The following MPP4 variants were observed in gnomAD, a reference collection of about 807,000 sequenced individuals.
The protein encoded by MPP4 is MAGUK p55 scaffold protein 4, also known as MAGUK p55 subfamily member 4.
A neutral mutation model predicts 98.3 loss-of-function variants in MPP4; 91 were observed. The observed-to-expected ratio is 0.93, with a 90% CI of 0.78 to 1.10. The LOEUF is 1.10. MPP4 is among the 50% of genes least tolerant of loss of function. The pLI, the probability that MPP4 is intolerant of heterozygous loss-of-function variation, is 0.00. For missense variants in MPP4, 744 were observed against 792.9 expected (o/e 0.94, Z 0.74); for synonymous variants, 261 against 271.8 (o/e 0.96, Z 0.39).
intron 15 of MPP4, 86 bp downstream of exon 15, chr2:201,660,246 T>G (rs1687986782): frequency 8.2e-7 from 1 of 1,226,154 alleles, no homozygotes; most frequent in South Asian, 1.3e-5. Context: ...ATCTTAAACA[T>G]TATCCAGTCA....
At chr2:201,693,564 T>C (rs1361085468) in intron 2 of MPP4, among the ~76,000 whole-genome samples, 2 of 152,210 alleles carry the variant, frequency 1.3e-5, no homozygotes, top group African/African-American at 4.8e-5. Flanking sequence ...GAATATTCTA[T>C]TTTTTGACAG....
intron 15 of MPP4, among the ~76,000 whole-genome samples, chr2:201,659,288 G>A (rs1687954800): frequency 6.6e-6 from 1 of 151,940 alleles, no homozygotes; most frequent in South Asian, 2.1e-4. Flanking sequence ...CTCTTAAAAG[G>A]GTTCATTCTA....
intron 18 of MPP4, among the ~76,000 whole-genome samples, chr2:201,653,489 T>C (rs1687775344): frequency 6.6e-6 from 1 of 152,198 alleles, no homozygotes; most frequent in African/African-American, 2.4e-5. Flanking sequence ...AAGCCTTTTA[T>C]ACCCTCGAGG....
rs1688965548 is a variant in MPP4 at position 201,690,119 on chromosome 2, CCTT to C, written c.279+80_279+82del. On this transcript the variant is annotated intron_variant, in intron 4 of 21. Transcript: ENST00000409474. ...TCATCAATAAAACTTTTCCTTAGAACCTTTAATTCATTTGAACTAGCAATGTGG... is the reference window on the plus strand; with the variant it reads ...TCATCAATAAAACTTTTCCTTAGAACTAATTCATTTGAACTAGCAATGTGG... 13 of 865,594 alleles carry C rather than the reference CCTT, an allele frequency of 1.5e-5. 1 individual carries two copies. The South Asian group carries it at 2.5e-4, about 17-fold the overall frequency. The allele number at this position is 865,594 out of a possible 1,614,324, so 53.6% of individuals were successfully genotyped here.
chr2:201,647,937 C>T (rs760850392), intron 20 of MPP4, 112 bp from the exon 21 acceptor site: 14 of 1,047,614 alleles, frequency 1.3e-5, no homozygotes, highest in Non-Finnish European at 1.9e-5. Flanking sequence ...TTCACTGTAG[C>T]CTCAGCTTCC....
At chr2:201,694,213 C>G (rs1281565619) in intron 1 of MPP4, among the ~76,000 whole-genome samples, 159 bp from the exon 2 acceptor site, 4 of 152,198 alleles carry the variant, frequency 2.6e-5, no homozygotes, top group African/African-American at 9.7e-5. Context: ...AATGCTCCCC[C>G]TAACTCCATG....
intron 11 of MPP4, among the ~76,000 whole-genome samples, chr2:201,670,303 G>C (rs537101026): frequency 5.3e-5 from 8 of 152,240 alleles, no homozygotes; most frequent in Non-Finnish European, 1.0e-4. Context: ...GGTATGATAA[G>C]ACTTAAGCAG....
rs1311926082 is a variant in MPP4 at position 201,656,336 on chromosome 2, T to G, written c.1162A>C (p.Arg388=). ...GFRRSMRLCR[R]KSHLSPLHAS... ...TGCAGCGGGCTGAGGTGAGACTTCC[T>G]GCGACAAAGGCGCATGCTGCGGCGG... is the stretch of plus-strand genomic sequence containing the variant. Residue 388 remains arginine, a synonymous_variant, in exon 17 of 22, where the codon AGG becomes CGG. Coordinates refer to ENST00000409474, the MANE Select transcript of MPP4 (RefSeq NM_033066.3). The G allele has an allele frequency of 6.4e-7, 1 of 1,555,460 alleles. No homozygotes were observed.
intron 8 of MPP4, 55 bp from the exon 9 acceptor site, chr2:201,681,622 G>T: frequency 7.3e-7 from 1 of 1,368,632 alleles, no homozygotes; most frequent in Non-Finnish European, 1.0e-6. Flanking sequence ...AGGGTTACTG[G>T]GGCTCGGTGG....
At chr2:201,680,520 T>C (rs4675219) in intron 10 of MPP4, 85,568 of 231,110 alleles carry the variant, frequency 0.37, 17,393 homozygotes, top group Admixed American at 0.47. Flanking sequence ...CTCTTAATAC[T>C]ATTGCATTGG....
At chr2:201,661,167 T>A (rs1688014707) in intron 14 of MPP4, among the ~76,000 whole-genome samples, 1 of 151,484 alleles carries the variant, frequency 6.6e-6, no homozygotes, top group African/African-American at 2.4e-5. Context: ...GTGATCTGCC[T>A]GCCTCGGCCT....
intron 10 of MPP4, among the ~76,000 whole-genome samples, chr2:201,678,378 A>G (rs1688574706): frequency 6.6e-6 from 1 of 152,072 alleles, no homozygotes; most frequent in Admixed American, 6.5e-5. Context: ...GCCCTCTGGA[A>G]CCCACAGCAA....
chr2:201,690,669 A>G (rs765054356), intron 3 of MPP4, among the ~76,000 whole-genome samples: 6 of 152,194 alleles, frequency 3.9e-5, no homozygotes, highest in Non-Finnish European at 8.8e-5. Flanking sequence ...GACACCTGTG[A>G]GGACCCCTGT....
intron 14 of MPP4, among the ~76,000 whole-genome samples, chr2:201,660,667 A>G (rs1469498723): frequency 1.3e-5 from 2 of 152,110 alleles, no homozygotes; most frequent in Non-Finnish European, 2.9e-5. Flanking sequence ...GTTAAAGGAA[A>G]GCAACAGGTT....
At chr2:201,697,712 A>G (rs1215275686) in intron 1 of MPP4, among the ~76,000 whole-genome samples, 1 of 152,186 alleles carries the variant, frequency 6.6e-6, no homozygotes, top group Non-Finnish European at 1.5e-5. Context: ...CTGGCCTGGT[A>G]TCCTGACTTA....
chr2:201,682,709 G>C lies in MPP4; in HGVS notation c.660+122C>G, dbSNP rs943526976. The C allele has an allele frequency of 4.0e-6, 3 of 758,736 alleles. No homozygotes were observed. In the African/African-American group the frequency reaches 5.3e-5, roughly 13 times the overall value. 47.0% of individuals were successfully genotyped at this position (758,736 alleles called of 1,614,324 possible). On this transcript the variant is annotated intron_variant, in intron 8 of 21. Transcript: ENST00000409474. ...GACAAGGTCTGGGAGCCTGGAGGGA[G>C]AAAGCTGCCAAGAGAACTTGAGTCC... is the stretch of plus-strand genomic sequence containing the variant.
chr2:201,685,071 C>G lies in MPP4; in HGVS notation c.567G>C (p.Glu189Asp). The change falls in exon 7 of 22, where the codon GAG (glutamate) becomes GAC (aspartate). Residue 189 changes from glutamate (E) to aspartate (D), a missense_variant. Glu to Asp is a conservative substitution (Grantham distance 45, BLOSUM62 2). Coordinates refer to ENST00000409474, the MANE Select transcript of MPP4 (RefSeq NM_033066.3). ...VARIIHGGLA[E>D]RSGLLYAGDK... is the part of the protein sequence containing the mutation. The stretch of plus-strand genomic sequence containing the variant: ...CCAGCTGCTCCAGCTTACCACTTCT[C>G]TCCGCCAGCCCACCGTGGATGATCC... 1 of 1,610,684 alleles carries G rather than the reference C, an allele frequency of 6.2e-7. No individual in the cohort carries two copies. Among genetic ancestry groups the G allele is most frequent in the South Asian group, 1.1e-5 (1 of 89,968 alleles).
intron 17 of MPP4, among the ~76,000 whole-genome samples, chr2:201,655,484 A>G (rs1574602106): frequency 6.6e-6 from 1 of 152,300 alleles, no homozygotes. Flanking sequence ...AATCTTTGAT[A>G]ATTTTTTAAC....
intron 18 of MPP4, chr2:201,651,264 A>C (rs1477543742): frequency 1.0e-6 from 1 of 985,342 alleles, no homozygotes; most frequent in Non-Finnish European, 1.2e-6. Flanking sequence ...AAGGGGGTCT[A>C]AAAGCAAATG....
Sources: allele counts gnomAD v4.1 joint callset (sites outside exome capture counted in the v4.1 genomes callset), GRCh38; gene constraint gnomAD v4.1.1; transcripts MANE v1.5; gene names NCBI Gene and HGNC (gene_info 2026-07-23, HGNC 2026-07-21).